CORIN: variants seen among roughly 807,000 people sequenced by gnomAD.
CORIN encodes the protein atrial natriuretic peptide-converting enzyme.
Under a neutral mutation model 125.3 loss-of-function variants are expected in CORIN, and 117 were observed. The observed-to-expected ratio is 0.93, with a 90% CI of 0.80 to 1.09. The LOEUF (loss-of-function observed/expected upper bound fraction) is 1.09. Among genes scored for constraint, CORIN ranks in the 50% least tolerant of loss-of-function variants. The pLI is 0.00. For missense variants in CORIN, 1,253 were observed against 1,306.7 expected, an observed-to-expected ratio of 0.96 and a Z score of 0.63; for synonymous variants, 450 against 466.4, an observed-to-expected ratio of 0.96 and a Z score of 0.45.
In CORIN at chr4:47,706,028, T is replaced by A. The variant is rs142947856; in HGVS notation, c.800-12945A>T. On this transcript the variant is annotated intron_variant, in intron 5 of 21. Coordinates refer to ENST00000273857, the MANE Select transcript of CORIN (RefSeq NM_006587.4). Reference sequence around the variant, plus strand: ...TTATTTTAGAATTTGCTTTTTACATTCTTATAATAAACAATAACTTCAGAA... The same window carrying A: ...TTATTTTAGAATTTGCTTTTTACATACTTATAATAAACAATAACTTCAGAA... Among the ~76,000 whole-genome samples the A allele has an allele frequency of 6.2e-3, 937 of 152,352 alleles. 7 individuals are homozygous for A. Among genetic ancestry groups the A allele is most frequent in the Middle Eastern group, 0.027 (8 of 294 alleles).
At chr4:47,795,028 A>C (rs1030581578) in intron 2 of CORIN, among the ~76,000 whole-genome samples, 3 of 152,116 alleles carry the variant, frequency 2.0e-5, no homozygotes, top group African/African-American at 7.2e-5. Flanking sequence ...TTTTCCTAAC[A>C]CCATTTGTCA....
At chr4:47,811,770 C>A (rs1348503289) in intron 1 of CORIN, among the ~76,000 whole-genome samples, 1 of 152,116 alleles carries the variant, frequency 6.6e-6, no homozygotes, top group African/African-American at 2.4e-5. Flanking sequence ...ACTCAGCACA[C>A]CTAGTATTTT....
At chr4:47,773,593 G>T (rs919850948) in intron 3 of CORIN, among the ~76,000 whole-genome samples, 3 of 151,926 alleles carry the variant, frequency 2.0e-5, no homozygotes, top group Non-Finnish European at 4.4e-5. Context: ...TTGAGCAATT[G>T]TTTACCTTTT....
intron 17 of CORIN, among the ~76,000 whole-genome samples, chr4:47,625,187 T>C (rs541283839): frequency 6.6e-6 from 1 of 152,232 alleles, no homozygotes; most frequent in East Asian, 1.9e-4. Context: ...AGGGCCTTCA[T>C]TTCCCCTCAT....
chr4:47,799,457 G>T (rs528365269), intron 2 of CORIN, among the ~76,000 whole-genome samples: 57 of 152,168 alleles, frequency 3.7e-4, no homozygotes, highest in African/African-American at 1.3e-3. Flanking sequence ...TAGCCATTCT[G>T]ATTGGTGTGA....
intron 4 of CORIN, among the ~76,000 whole-genome samples, chr4:47,753,689 C>T (rs945899249): frequency 2.6e-5 from 4 of 152,058 alleles, no homozygotes; most frequent in African/African-American, 7.2e-5. Context: ...TGCCCGACCC[C>T]GCAGGCAGTC....
intron 19 of CORIN, among the ~76,000 whole-genome samples, chr4:47,618,610 G>A (rs1030016514): frequency 7.2e-5 from 11 of 151,986 alleles, no homozygotes; most frequent in African/African-American, 2.7e-4. Flanking sequence ...ACAAGGTCAG[G>A]AGATCGAGAC....
At chr4:47,742,801 C>A (rs1473409793) in intron 5 of CORIN, among the ~76,000 whole-genome samples, 1 of 151,964 alleles carries the variant, frequency 6.6e-6, no homozygotes, top group East Asian at 1.9e-4. Context: ...AATAGTCAAT[C>A]TTTAAGAAGA....
chr4:47,627,582 A>T (rs1221356359), intron 16 of CORIN, among the ~76,000 whole-genome samples: 1 of 152,234 alleles, frequency 6.6e-6, no homozygotes, highest in Admixed American at 6.5e-5. Flanking sequence ...AAAACCTCTT[A>T]CAAAAATAAG....
chr4:47,835,953 G>A (rs1733377199), intron 1 of CORIN, among the ~76,000 whole-genome samples: 1 of 152,136 alleles, frequency 6.6e-6, no homozygotes, highest in Non-Finnish European at 1.5e-5. Context: ...GGCTTTCATC[G>A]TTGGTCCTGT....
chr4:47,596,615 A>G (rs1351949467), intron 21 of CORIN, among the ~76,000 whole-genome samples: 2 of 152,218 alleles, frequency 1.3e-5, no homozygotes, highest in African/African-American at 4.8e-5. Flanking sequence ...CATTAGAGAT[A>G]GCAATACTTG....
intron 5 of CORIN, among the ~76,000 whole-genome samples, chr4:47,719,856 T>C (rs1727269284): frequency 6.6e-6 from 1 of 152,194 alleles, no homozygotes; most frequent in African/African-American, 2.4e-5. Flanking sequence ...CAGAAAACAT[T>C]TTCAGAAAAT....
At chr4:47,644,814 T>C (rs555955110) in intron 14 of CORIN, among the ~76,000 whole-genome samples, 3 of 152,286 alleles carry the variant, frequency 2.0e-5, no homozygotes, top group Non-Finnish European at 2.9e-5. Context: ...ATGATTGTAG[T>C]TTATGTTCCC....
At chr4:47,741,700 T>A (rs1450683391) in intron 5 of CORIN, among the ~76,000 whole-genome samples, 1 of 152,090 alleles carries the variant, frequency 6.6e-6, no homozygotes, top group African/African-American at 2.4e-5. Flanking sequence ...GGTATATTCC[T>A]ACAATGGAGT....
At chr4:47,714,203 A>G (rs1304319022) in intron 5 of CORIN, among the ~76,000 whole-genome samples, 1 of 152,204 alleles carries the variant, frequency 6.6e-6, no homozygotes, top group Non-Finnish European at 1.5e-5. Flanking sequence ...TATACTTGGC[A>G]CATATAGAGC....
rs115926620 is a variant in CORIN, at chr4:47,798,186, C to T, written c.208+8717G>A. Among the ~76,000 whole-genome samples, 1,125 of 152,232 alleles carry T rather than the reference C, an allele frequency of 7.4e-3. 12 individuals are homozygous for T. Among genetic ancestry groups the T allele is most frequent in the African/African-American group, 0.026 (1,062 of 41,554 alleles). ...ATTTACTACTGCTTTCTTCTATAGCCTGCTGCTAATACAATTATTTGACAA... is the reference window on the plus strand; with the variant it reads ...ATTTACTACTGCTTTCTTCTATAGCTTGCTGCTAATACAATTATTTGACAA... On this transcript the variant is annotated intron_variant, in intron 2 of 21. Transcript: ENST00000273857.
intron 4 of CORIN, among the ~76,000 whole-genome samples, chr4:47,749,043 AC>A (rs758481282): frequency 4.6e-5 from 7 of 152,154 alleles, no homozygotes. Context: ...TTCAATTGTC[AC>A]TTTTTACTTT....
intron 1 of CORIN, among the ~76,000 whole-genome samples, chr4:47,829,713 A>T (rs1732894335): frequency 6.6e-6 from 1 of 152,228 alleles, no homozygotes; most frequent in African/African-American, 2.4e-5. Flanking sequence ...GTGTCAGGAA[A>T]GATACCATGC....
At position 47,595,894 on chromosome 4, in the gene CORIN, C is replaced by G; in HGVS notation, c.2956G>C (p.Gly986Arg). ...GTVDSCMGDS[G>R]GPLVCEKPGG... is the part of the protein sequence containing the mutation. ...GGCTTCTCACAAACAAGAGGCCCAC[C>G]GCTGTCACCCTGCAATAAGTAACGA... is the stretch of plus-strand genomic sequence containing the variant. Residue 986 changes from glycine (G) to arginine (R), a missense_variant, in exon 22 of 22, where the codon GGT becomes CGT. By Grantham distance (125) the Gly-to-Arg change is moderately radical. Coordinates refer to ENST00000273857, the MANE Select transcript of CORIN (RefSeq NM_006587.4). 1 of 1,607,032 alleles carries G rather than the reference C, an allele frequency of 6.2e-7. No homozygotes were observed. The highest frequency in any genetic ancestry group is 8.5e-7 in the Non-Finnish European group (1 of 1,177,930).
Sources: gnomAD v4.1 joint callset for allele counts (sites outside exome capture counted in the v4.1 genomes callset) on GRCh38, gnomAD v4.1.1 for gene constraint, MANE v1.5 for transcripts, NCBI Gene and HGNC (gene_info 2026-07-23, HGNC 2026-07-21) for gene names.